Variants in PRAG1 observed in about 807,000 individuals in gnomAD.
PRAG1 encodes inactive tyrosine-protein kinase PRAG1.
In PRAG1, 110 loss-of-function variants were observed where a neutral mutation model predicts 95.6. That is an observed-to-expected ratio of 1.15 (90% CI 0.99 to 1.35). PRAG1 has a LOEUF of 1.35. PRAG1 is among the 40% of genes most tolerant of loss of function. PRAG1 has a pLI of 0.00. For synonymous variants in PRAG1, 1,052 were observed against 819.4 expected, an observed-to-expected ratio of 1.28 and a Z score of -4.85; for missense variants, 2,554 against 1,864.7, an observed-to-expected ratio of 1.37 and a Z score of -6.81.
chr8:8,361,182 G>C (rs10099225), intron 3 of PRAG1, among the ~76,000 whole-genome samples: 64,820 of 151,988 alleles, frequency 0.43, 14,143 homozygotes, highest in East Asian at 0.61. Flanking sequence ...CCTCACTGAG[G>C]AACTTCCCTT....
At chr8:8,367,031 G>A (rs1284334585) in intron 3 of PRAG1, among the ~76,000 whole-genome samples, 3 of 151,998 alleles carry the variant, frequency 2.0e-5, no homozygotes, top group African/African-American at 4.8e-5. Flanking sequence ...CAAATAGCCA[G>A]CACATGACAT....
At chr8:8,374,102 C>A (rs1800302520) in intron 3 of PRAG1, among the ~76,000 whole-genome samples, 1 of 152,244 alleles carries the variant, frequency 6.6e-6, no homozygotes, top group Non-Finnish European at 1.5e-5. Context: ...CCTACATCAT[C>A]ACTAACCTCT....
intron 3 of PRAG1, among the ~76,000 whole-genome samples, chr8:8,343,360 T>A (rs753331967): frequency 1.3e-5 from 2 of 152,196 alleles, no homozygotes; most frequent in Non-Finnish European, 2.9e-5. Context: ...TATAATCCAG[T>A]CACTCCATTT....
intron 4 of PRAG1, among the ~76,000 whole-genome samples, chr8:8,330,610 T>C (rs1798790070): frequency 6.6e-6 from 1 of 152,172 alleles, no homozygotes. Context: ...CCAGTCACTT[T>C]TACATGCCCA....
At chr8:8,383,726 TCTC>T (rs760367819) in intron 1 of PRAG1, among the ~76,000 whole-genome samples, 3 of 152,184 alleles carry the variant, frequency 2.0e-5, no homozygotes, top group Non-Finnish European at 4.4e-5. Context: ...GCTAGGTTCT[TCTC>T]CTCCTCCAAA....
In PRAG1 at chr8:8,319,101, T is replaced by C. The variant is rs1428740211; in HGVS notation, c.3274A>G (p.Thr1092Ala). The C allele has an allele frequency of 1.9e-6, 3 of 1,609,370 alleles. No homozygotes were observed. The highest frequency in any genetic ancestry group is 2.5e-6 in the Non-Finnish European group (3 of 1,179,294). ...GCGGTCTGATGTGGCACCTCTCGGGTGATGACCACCACGCAGTCCTGCTCC... is the reference window on the plus strand; with the variant it reads ...GCGGTCTGATGTGGCACCTCTCGGGCGATGACCACCACGCAGTCCTGCTCC... ...AQEQDCVVVI[T>A]REVPHQTASD... Residue 1092 changes from threonine (T) to alanine (A), a missense_variant, in exon 6 of 6, where the codon ACC becomes GCC. By Grantham distance (58) the Thr-to-Ala change is moderately conservative (BLOSUM62 0). Transcript: ENST00000615670.
At chr8:8,356,979 A>G (rs1251123098) in intron 3 of PRAG1, among the ~76,000 whole-genome samples, 2 of 152,258 alleles carry the variant, frequency 1.3e-5, no homozygotes, top group East Asian at 1.9e-4. Flanking sequence ...GAATATCCAC[A>G]TGCAAAAAAA....
chr8:8,376,725 C>A lies in PRAG1; in HGVS notation c.1684G>T (p.Ala562Ser). Residue 562 changes from alanine (A) to serine (S), a missense_variant, in exon 3 of 6, where the codon GCT becomes TCT. Transcript: ENST00000615670. ...SPVGSPVSPS[A>S]GGPPVSPLAD... ...AGCGGTGACACTGGGGGCCCTCCAG[C>A]AGACGGTGACACCGGGGACCCTACA... 1 of 1,610,102 alleles carries A rather than the reference C, an allele frequency of 6.2e-7. No individual in the cohort carries two copies. Among genetic ancestry groups the A allele is most frequent in the Non-Finnish European group, 8.5e-7 (1 of 1,179,968 alleles).
rs776148742 is a variant in PRAG1 at position 8,377,725 on chromosome 8, C to G, written c.684G>C (p.Leu228=). The change falls in exon 3 of 6, where the codon CTG becomes CTC. Residue 228 remains leucine (L), a synonymous_variant. Transcript: ENST00000615670. ...TSGCHQGPGP[L]RESLPSEDDS... ...CATCCTCCGAGGGCAGGGATTCCCG[C>G]AGGGGCCCAGGGCCCTGGTGACAGC... 15 of 1,613,798 alleles carry G rather than the reference C, an allele frequency of 9.3e-6. No individual in the cohort carries two copies. Among genetic ancestry groups the G allele is most frequent in the African/African-American group, 4.0e-5 (3 of 74,900 alleles).
intron 4 of PRAG1, among the ~76,000 whole-genome samples, chr8:8,328,808 T>A (rs925168530): frequency 3.3e-5 from 5 of 152,058 alleles, no homozygotes; most frequent in Non-Finnish European, 7.4e-5. Context: ...ACAAATTACA[T>A]AGAAAAGAGC....
At chr8:8,385,092 T>C (rs1001819583) in intron 1 of PRAG1, among the ~76,000 whole-genome samples, 6 of 152,228 alleles carry the variant, frequency 3.9e-5, no homozygotes, top group African/African-American at 1.4e-4. Context: ...CATCAGAAGT[T>C]GCTTATGCCT....
Position 8,319,014 on chromosome 8 carries a change from G to C in PRAG1, c.3361C>G (p.Arg1121Gly). The C allele has an allele frequency of 1.9e-6, 3 of 1,613,380 alleles. No individual in the cohort carries two copies. The highest frequency in any genetic ancestry group is 2.5e-6 in the Non-Finnish European group (3 of 1,179,810). Residue 1121 changes from arginine to glycine, a missense_variant, in exon 6 of 6, where the codon CGC (arginine) becomes GGC (glycine). Transcript: ENST00000615670. The stretch of plus-strand genomic sequence containing the variant: ...AGTTGCAGAAGCAGGAAGCACACGC[G>C]CCGCTCGTACGCCTCGGGCTCCGCC... Reference protein sequence around the residue: ...HQAEPEAYERRVCFLLLQLCN... With the variant: ...HQAEPEAYERGVCFLLLQLCN...
intron 5 of PRAG1, among the ~76,000 whole-genome samples, chr8:8,320,948 T>A (rs1798453855): frequency 6.6e-6 from 1 of 152,258 alleles, no homozygotes; most frequent in South Asian, 2.1e-4. Context: ...ATTAATTTAG[T>A]AATCTGTCTA....
Position 8,376,317 on chromosome 8 carries a change from C to G in PRAG1, c.2092G>C (p.Ala698Pro). Residue 698 changes from alanine to proline, a missense_variant, in exon 3 of 6, where the codon GCC (alanine) becomes CCC (proline). Coordinates refer to ENST00000615670, the MANE Select transcript of PRAG1 (RefSeq NM_001080826.3). ...CTTCTGTCCTTGGGGAACTCAAAGG[C>G]AAAAGAGGCGGATTTGCTCATCCCG... Reference protein sequence around the residue: ...GTGMSKSASFAFEFPKDRSGI... With the variant: ...GTGMSKSASFPFEFPKDRSGI... 6.2e-7 allele frequency: 1 copy of G among 1,614,158 alleles called. No homozygotes were observed. The highest frequency in any genetic ancestry group is 8.5e-7 in the Non-Finnish European group (1 of 1,180,048).
intron 5 of PRAG1, among the ~76,000 whole-genome samples, chr8:8,324,987 G>C (rs1313755285): frequency 1.3e-5 from 2 of 152,164 alleles, no homozygotes; most frequent in Non-Finnish European, 2.9e-5. Context: ...GCAGGTGTGA[G>C]CCTGCTATTG....
rs1800426476 is a variant in PRAG1, at chr8:8,376,945, G to T, written c.1464C>A (p.Ile488=). 1.9e-6 allele frequency: 3 copies of T among 1,613,348 alleles called. No homozygotes were observed. Among genetic ancestry groups the T allele is most frequent in the Non-Finnish European group, 2.5e-6 (3 of 1,180,024 alleles). Residue 488 remains isoleucine (I), a synonymous_variant, in exon 3 of 6, where the codon ATC becomes ATA. Transcript: ENST00000615670. ...AAHPEEDHRT[I]YLSSPDSAVG... ...CTGCAGAGTCAGGGCTGCTCAGGTA[G>T]ATCGTCCGATGGTCCTCTTCCGGGT... is the stretch of plus-strand genomic sequence containing the variant.
chr8:8,345,521 T>C (rs1799312270), intron 3 of PRAG1, among the ~76,000 whole-genome samples: 1 of 152,194 alleles, frequency 6.6e-6, no homozygotes, highest in Admixed American at 6.5e-5. Flanking sequence ...CTGGGCACAG[T>C]GGCTCACACT....
intron 4 of PRAG1, among the ~76,000 whole-genome samples, chr8:8,334,674 C>T (rs1798930073): frequency 6.7e-6 from 1 of 149,080 alleles, no homozygotes; most frequent in African/African-American, 2.5e-5. Context: ...CTAAGTATCT[C>T]GAATGCCCTG....
chr8:8,339,068 A>G (rs1799081099), intron 4 of PRAG1, among the ~76,000 whole-genome samples: 1 of 152,092 alleles, frequency 6.6e-6, no homozygotes, highest in Non-Finnish European at 1.5e-5. Flanking sequence ...GTAAGTGTGT[A>G]CATGTGGGTA....
Sources: allele counts gnomAD v4.1 joint callset (sites outside exome capture counted in the v4.1 genomes callset), GRCh38; gene constraint gnomAD v4.1.1; transcripts MANE v1.5; gene names NCBI Gene and HGNC (gene_info 2026-07-23, HGNC 2026-07-21).